Variants in MDN1 observed in about 807,000 individuals in gnomAD.
MDN1 encodes the protein midasin.
Under a neutral mutation model 669.2 loss-of-function variants are expected in MDN1, and 266 were observed. The ratio of observed to expected loss-of-function variants is 0.40; its 90% CI spans 0.36 to 0.44. The LOEUF (loss-of-function observed/expected upper bound fraction) is 0.44. Among genes scored for constraint, MDN1 ranks in the 20% least tolerant of loss-of-function variants. MDN1 has a pLI of 1.00. For synonymous variants in MDN1, 2,385 were observed against 2,457.1 expected (o/e 0.97, Z 0.87); for missense variants, 5,940 against 6,754.0 (o/e 0.88, Z 4.22).
intron 73 of MDN1, 28 bp downstream of exon 73, chr6:89,683,104 A>G (rs1811757130): frequency 6.2e-7 from 1 of 1,610,522 alleles, no homozygotes. Flanking sequence ...GCTTGGGAAT[A>G]AGCCAGCACT....
At chr6:89,673,665 T>C (rs2128304547) in intron 79 of MDN1, 1 of 572,152 alleles carries the variant, frequency 1.7e-6, no homozygotes, top group Non-Finnish European at 3.1e-6. Flanking sequence ...TTTGATTCTA[T>C]TACTAAACAC....
At chr6:89,670,297 C>T (rs1282723364) in intron 83 of MDN1, among the ~76,000 whole-genome samples, 1 of 149,216 alleles carries the variant, frequency 6.7e-6, no homozygotes, top group African/African-American at 2.5e-5. Flanking sequence ...GTCTCAGCCT[C>T]TTGAGTAGCT....
intron 8 of MDN1, 109 bp from the exon 9 acceptor site, chr6:89,785,235 A>G: frequency 1.4e-6 from 1 of 735,926 alleles, no homozygotes; most frequent in Non-Finnish European, 2.4e-6. Context: ...AAAAATATTC[A>G]TAATCCCTTC....
intron 40 of MDN1, 138 bp downstream of exon 40, chr6:89,722,817 G>C: frequency 1.3e-6 from 1 of 767,050 alleles, no homozygotes; most frequent in Non-Finnish European, 2.0e-6. Flanking sequence ...TTGCACTCCA[G>C]CCTGGGCAAC....
At chr6:89,671,168 C>T in intron 82 of MDN1, 88 bp from the exon 83 acceptor site, 2 of 1,411,126 alleles carry the variant, frequency 1.4e-6, no homozygotes, top group Middle Eastern at 5.0e-4. Context: ...GTGGTAATTG[C>T]ACAACATTGT....
At chr6:89,693,681 T>C (rs1448068815) in intron 62 of MDN1, among the ~76,000 whole-genome samples, 2 of 152,038 alleles carry the variant, frequency 1.3e-5, no homozygotes, top group East Asian at 3.9e-4. Context: ...TTCCAAAATC[T>C]GAAGAAAAAA....
Position 89,655,948 on chromosome 6 carries a change from CCCA to C in MDN1, c.15303_15305del (p.Gly5102del), listed in dbSNP as rs758447040. The C allele has an allele frequency of 6.2e-7, 1 of 1,613,782 alleles. No individual in the cohort carries two copies. Among genetic ancestry groups the C allele is most frequent in the South Asian group, 1.1e-5 (1 of 91,058 alleles). On this transcript the variant is annotated inframe_deletion, in exon 92 of 102. Coordinates refer to ENST00000369393, the MANE Select transcript of MDN1 (RefSeq NM_014611.3). ...CCATGGAACGTTCATTGTCAGCCTG[CCCA>C]GGTTTCCTCTTAAAACTCTGAGAAA...
At chr6:89,797,664 C>A in intron 2 of MDN1, 1 of 482,408 alleles carries the variant, frequency 2.1e-6, no homozygotes, top group Non-Finnish European at 4.2e-6. Flanking sequence ...TCAAGTAAAA[C>A]AAGTTTTTCA....
rs1200801243 is a variant in MDN1, at chr6:89,692,579, A to G, written c.10451T>C (p.Leu3484Pro). ...LILKRSGGKELEGKGQKACPT... is the reference protein window; with the variant it reads ...LILKRSGGKEPEGKGQKACPT... ...ACAGGCTTTCTGGCCCTTGCCTTCCAGCTCCTTTCCTCCTGAGCGCTTGAG... is the reference window on the plus strand; with the variant it reads ...ACAGGCTTTCTGGCCCTTGCCTTCCGGCTCCTTTCCTCCTGAGCGCTTGAG... The change falls in exon 63 of 102, where the codon CTG (leucine) becomes CCG (proline). Residue 3484 changes from leucine (L) to proline (P), a missense_variant. Leu to Pro is a moderately conservative substitution (Grantham distance 98). Around this residue, in one of 5 missense-constraint regions of MDN1, gnomAD observed 2,280 missense variants for 2,576.3 expected, o/e 0.88. Transcript: ENST00000369393. The G allele has an allele frequency of 2.5e-6, 4 of 1,614,232 alleles. No individual in the cohort carries two copies. In the Middle Eastern group the frequency reaches 4.9e-4, roughly 200 times the overall value.
chr6:89,741,359 CCTAA>C (rs1180976793), intron 31 of MDN1, among the ~76,000 whole-genome samples: 3 of 152,236 alleles, frequency 2.0e-5, no homozygotes, highest in Non-Finnish European at 4.4e-5. Flanking sequence ...AAAAACCTGT[CCTAA>C]CTGACTCCAT....
At chr6:89,749,185 C>A in intron 26 of MDN1, 38 bp downstream of exon 26, 2 of 1,544,622 alleles carry the variant, frequency 1.3e-6, no homozygotes, top group South Asian at 1.3e-5. Flanking sequence ...ATTTTGATCA[C>A]CAAGTATAAT....
chr6:89,789,872 C>G lies in MDN1; in HGVS notation c.1138G>C (p.Glu380Gln). The G allele has an allele frequency of 6.2e-7, 1 of 1,614,072 alleles. No homozygotes were observed. The highest frequency in any genetic ancestry group is 8.5e-7 in the Non-Finnish European group (1 of 1,180,010). Residue 380 changes from glutamate to glutamine, a missense_variant, in exon 7 of 102, where the codon GAG (glutamate) becomes CAG (glutamine). By Grantham distance (29) the Glu-to-Gln change is conservative. Transcript: ENST00000369393. ...AGGGTGCCAGGCTGCCACACAAACT[C>G]TCCAGGAACATCTGTGCAGCGATAC... is the stretch of plus-strand genomic sequence containing the variant. Reference protein sequence around the residue: ...GMYRCTDVPGEFVWQPGTLTQ... With the variant: ...GMYRCTDVPGQFVWQPGTLTQ...
chr6:89,745,352 C>T lies in MDN1; in HGVS notation c.4099G>A (p.Glu1367Lys). The T allele has an allele frequency of 6.2e-7, 1 of 1,614,038 alleles. No homozygotes were observed. Among genetic ancestry groups the T allele is most frequent in the Non-Finnish European group, 8.5e-7 (1 of 1,179,994 alleles). The change falls in exon 29 of 102, where the codon GAG becomes AAG. Residue 1367 changes from glutamate (E) to lysine (K), a missense_variant. Transcript: ENST00000369393. ...AGCATCGCGAGTCTCCGCATGCCCT[C>T]AGTCCACACGATATGGCCAAAGTTA... ...ECNFGHIVWTEGMRRLAMLVG... is the reference protein window; with the variant it reads ...ECNFGHIVWTKGMRRLAMLVG...
intron 55 of MDN1, 144 bp from the exon 56 acceptor site, chr6:89,701,000 A>T: frequency 2.6e-6 from 2 of 763,898 alleles, no homozygotes; most frequent in South Asian, 3.9e-5. Context: ...GTTGCTGTCA[A>T]GAGATTTTAC....
intron 73 of MDN1, among the ~76,000 whole-genome samples, chr6:89,681,535 T>G (rs923430137): frequency 6.7e-6 from 1 of 148,806 alleles, no homozygotes; most frequent in Non-Finnish European, 1.5e-5. Flanking sequence ...ATATTTTCAT[T>G]TTTTTTTCCT....
intron 57 of MDN1, 29 bp downstream of exon 57, chr6:89,700,034 C>T (rs1333217020): frequency 6.2e-7 from 1 of 1,600,292 alleles, no homozygotes; most frequent in East Asian, 2.2e-5. Context: ...AAAGTTCCCG[C>T]AAGGAAAACA....
At chr6:89,702,515 C>T (rs1005367741) in intron 53 of MDN1, among the ~76,000 whole-genome samples, 6 of 152,212 alleles carry the variant, frequency 3.9e-5, no homozygotes, top group African/African-American at 7.2e-5. Flanking sequence ...TACCGCACTG[C>T]GGTTTCAAGT....
intron 1 of MDN1, among the ~76,000 whole-genome samples, chr6:89,806,569 T>A (rs937080977): frequency 1.3e-5 from 2 of 151,890 alleles, no homozygotes; most frequent in Non-Finnish European, 2.9e-5. Context: ...ATACAAAAAA[T>A]TAGCCAGGTG....
chr6:89,701,728 T>C (rs768607016), intron 54 of MDN1, 50 bp from the exon 55 acceptor site: 3 of 1,587,114 alleles, frequency 1.9e-6, no homozygotes, highest in Admixed American at 1.8e-5. Flanking sequence ...GGGGAAATGC[T>C]AGACAGTAAG....
Sources: allele counts gnomAD v4.1 joint callset (sites outside exome capture counted in the v4.1 genomes callset), GRCh38; gene constraint gnomAD v4.1.1; regional missense constraint gnomAD v4.1.1; transcripts MANE v1.5; gene names NCBI Gene and HGNC (gene_info 2026-07-23, HGNC 2026-07-21).